UBE2QL1: variants seen among roughly 807,000 people sequenced by gnomAD.
UBE2QL1 encodes ubiquitin-conjugating enzyme E2Q-like protein 1.
In UBE2QL1, 5 loss-of-function variants were observed where a neutral mutation model predicts 12.6. The ratio of observed to expected loss-of-function variants is 0.40; its 90% CI spans 0.21 to 0.83. The LOEUF (loss-of-function observed/expected upper bound fraction) is 0.83. UBE2QL1 is among the 40% of genes least tolerant of loss of function. The probability of loss-of-function intolerance (pLI) is 0.37; values close to 1 mark genes in which losing one functional copy is unlikely to be tolerated. For missense variants in UBE2QL1, 99 were observed against 222.6 expected (o/e 0.44, Z 3.53); for synonymous variants, 96 against 94.5 (o/e 1.02, Z -0.10).
chr5:6,454,836 G>A (rs1374606082), intron 1 of UBE2QL1, among the ~76,000 whole-genome samples: 1 of 152,096 alleles, frequency 6.6e-6, no homozygotes, highest in Non-Finnish European at 1.5e-5. Flanking sequence ...TGTGTACAGG[G>A]CACGGAGATT....
At chr5:6,475,579 A>G (rs1579297175) in intron 1 of UBE2QL1, among the ~76,000 whole-genome samples, 1 of 151,922 alleles carries the variant, frequency 6.6e-6, no homozygotes, top group South Asian at 2.1e-4. Context: ...CATTCCTTTT[A>G]TCCAGTATTT....
At chr5:6,471,015 T>G (rs957307831) in intron 1 of UBE2QL1, among the ~76,000 whole-genome samples, 1 of 152,236 alleles carries the variant, frequency 6.6e-6, no homozygotes, top group Admixed American at 6.5e-5. Flanking sequence ...ATATCTCATC[T>G]TTTTTGGCTT....
Position 6,494,000 on chromosome 5 carries a change from A to C in UBE2QL1, c.*2651A>C, listed in dbSNP as rs1485143407. ...CTCTTTGGACAGACAGCGAGGGAAT[A>C]ATCAGACAGTGGGTGCAAATGTTCA... On this transcript the variant is annotated 3_prime_UTR_variant, in exon 2 of 2. Transcript: ENST00000399816. 6.6e-6 allele frequency: 1 copy of C among 152,236 alleles called. No individual in the cohort carries two copies. Among genetic ancestry groups the C allele is most frequent in the Non-Finnish European group, 1.5e-5 (1 of 68,054 alleles). 9.4% of individuals were successfully genotyped at this position (152,236 alleles called of 1,614,324 possible).
In UBE2QL1 at chr5:6,448,989, C is replaced by T. The variant is rs1739358495; in HGVS notation, c.96C>T (p.His32=). ...TGTTCGACTGGAACGTGAAGCTGCA[C>T]CAGGTGGACAAGGACTCGGTGCTGT... The part of the protein sequence containing the change: ...ESLFDWNVKL[H]QVDKDSVLWQ... The change falls in exon 1 of 2, where the codon CAC becomes CAT. Residue 32 remains histidine, a synonymous_variant. Coordinates refer to ENST00000399816, the MANE Select transcript of UBE2QL1 (RefSeq NM_001145161.3). 1 of 1,549,994 alleles carries T rather than the reference C, an allele frequency of 6.5e-7. No homozygotes were observed. Among genetic ancestry groups the T allele is most frequent in the Non-Finnish European group, 8.7e-7 (1 of 1,146,280 alleles).
intron 1 of UBE2QL1, among the ~76,000 whole-genome samples, chr5:6,468,288 G>A (rs942007895): frequency 1.3e-5 from 2 of 152,174 alleles, no homozygotes; most frequent in African/African-American, 4.8e-5. Flanking sequence ...CCTCACCACT[G>A]CTAACTGCTC....
At position 6,470,672 on chromosome 5, in the gene UBE2QL1, C is replaced by A. The variant is rs547304803; in HGVS notation, c.355-20546C>A. Among the ~76,000 whole-genome samples, 205 of 152,304 alleles carry A rather than the reference C, an allele frequency of 1.3e-3. 1 individual carries two copies. Among genetic ancestry groups the A allele is most frequent in the African/African-American group, 4.6e-3 (190 of 41,548 alleles). On this transcript the variant is annotated intron_variant, in intron 1 of 1. Transcript: ENST00000399816. ...TAAGTCTTCAAAAGGCTGCTGAGCC[C>A]CCAAGGGTGCAGGCTGATGTGGACG...
rs544600093 is a variant in UBE2QL1 at position 6,495,242 on chromosome 5, C to T, written c.*3893C>T. On this transcript the variant is annotated 3_prime_UTR_variant, in exon 2 of 2. Coordinates refer to ENST00000399816, the MANE Select transcript of UBE2QL1 (RefSeq NM_001145161.3). The stretch of plus-strand genomic sequence containing the variant: ...GATTTCAGGAAGCAGGACACGGTCC[C>T]ACCTGACAGCCTAGCCTGGCGTGTG... Among the ~76,000 whole-genome samples, 163 of 152,308 alleles carry T rather than the reference C, an allele frequency of 1.1e-3. No homozygotes were observed. Among genetic ancestry groups the T allele is most frequent in the Admixed American group, 1.5e-3 (23 of 15,308 alleles).
At chr5:6,457,755 C>CCTCCT (rs1739558823) in intron 1 of UBE2QL1, among the ~76,000 whole-genome samples, 1 of 152,224 alleles carries the variant, frequency 6.6e-6, no homozygotes, top group Non-Finnish European at 1.5e-5. Context: ...AGTGCCAGAG[C>CCTCCT]CACCTGGTCC....
intron 1 of UBE2QL1, among the ~76,000 whole-genome samples, chr5:6,474,358 C>T (rs186539531): frequency 4.0e-4 from 61 of 152,290 alleles, no homozygotes; most frequent in African/African-American, 1.2e-3. Context: ...GCTTAGGAGA[C>T]GTTATTGAAA....
At chr5:6,480,404 C>T (rs566711227) in intron 1 of UBE2QL1, among the ~76,000 whole-genome samples, 25 of 152,278 alleles carry the variant, frequency 1.6e-4, no homozygotes, top group Middle Eastern at 3.4e-3. Flanking sequence ...AGACAGCCCT[C>T]GACACAGTCG....
intron 1 of UBE2QL1, among the ~76,000 whole-genome samples, chr5:6,477,570 G>C (rs570846722): frequency 6.6e-6 from 1 of 152,362 alleles, no homozygotes; most frequent in South Asian, 2.1e-4. Flanking sequence ...TCAAAATAAA[G>C]AGGTTAAAAG....
At chr5:6,466,114 G>C (rs1035348940) in intron 1 of UBE2QL1, among the ~76,000 whole-genome samples, 5 of 151,982 alleles carry the variant, frequency 3.3e-5, no homozygotes, top group African/African-American at 4.8e-5. Flanking sequence ...GAGAGGCTGA[G>C]GCCTCCCCAC....
chr5:6,451,440 A>G (rs272469), intron 1 of UBE2QL1, among the ~76,000 whole-genome samples: 148,838 of 152,326 alleles, frequency 0.98, 72,788 homozygotes, highest in Middle Eastern at 1. Context: ...AGATTCTAAC[A>G]TACAGTTTGC....
intron 1 of UBE2QL1, among the ~76,000 whole-genome samples, chr5:6,484,614 C>T (rs1036195314): frequency 4.6e-5 from 7 of 152,244 alleles, no homozygotes; most frequent in South Asian, 2.1e-4. Flanking sequence ...GAGCTGAGCA[C>T]GGAGCAGTCA....
chr5:6,468,745 G>C (rs1156374174), intron 1 of UBE2QL1, among the ~76,000 whole-genome samples: 1 of 152,152 alleles, frequency 6.6e-6, no homozygotes, highest in Non-Finnish European at 1.5e-5. Flanking sequence ...GTTACTTCCG[G>C]AAATGATTAT....
At chr5:6,456,354 T>C (rs1200469356) in intron 1 of UBE2QL1, among the ~76,000 whole-genome samples, 1 of 152,152 alleles carries the variant, frequency 6.6e-6, no homozygotes, top group Non-Finnish European at 1.5e-5. Context: ...GTGATGTTCT[T>C]AGAGGAAACA....
At chr5:6,461,801 G>A (rs150962904) in intron 1 of UBE2QL1, among the ~76,000 whole-genome samples, 119 of 152,122 alleles carry the variant, frequency 7.8e-4, no homozygotes, top group African/African-American at 2.6e-3. Context: ...AGATGATTCC[G>A]ATCACCCTAT....
chr5:6,482,561 T>G (rs1374793162), intron 1 of UBE2QL1, among the ~76,000 whole-genome samples: 1 of 150,564 alleles, frequency 6.6e-6, no homozygotes, highest in African/African-American at 2.4e-5. Flanking sequence ...CCCCTTTAGG[T>G]ACCCCCTCCT....
intron 1 of UBE2QL1, among the ~76,000 whole-genome samples, chr5:6,474,076 T>G (rs1311604706): frequency 1.3e-5 from 2 of 152,234 alleles, no homozygotes; most frequent in Non-Finnish European, 2.9e-5. Flanking sequence ...AAAGTCCAGT[T>G]TCCTGAAAAC....
Sources: gnomAD v4.1 joint callset for allele counts (sites outside exome capture counted in the v4.1 genomes callset) on GRCh38, gnomAD v4.1.1 for gene constraint, MANE v1.5 for transcripts, NCBI Gene and HGNC (gene_info 2026-07-23, HGNC 2026-07-21) for gene names.